Variants in SNTG1 observed in about 807,000 individuals in gnomAD.
SNTG1 encodes gamma-1-syntrophin.
A neutral mutation model predicts 74.7 loss-of-function variants in SNTG1; 39 were observed. That is an observed-to-expected ratio of 0.52 (90% CI 0.40 to 0.68). The LOEUF is 0.68. Among genes scored for constraint, SNTG1 ranks in the 30% least tolerant of loss-of-function variants. The pLI, the probability that SNTG1 is intolerant of heterozygous loss-of-function variation, is 0.00. For missense variants in SNTG1, 685 were observed against 609.5 expected (o/e 1.12, Z -1.30); for synonymous variants, 254 against 217.1 (o/e 1.17, Z -1.49).
intron 1 of SNTG1, among the ~76,000 whole-genome samples, chr8:49,919,546 A>G (rs1279340869): frequency 6.6e-6 from 1 of 152,082 alleles, no homozygotes; most frequent in African/African-American, 2.4e-5. Context: ...TTGTTTCTCT[A>G]AAAGCTTTTT....
At chr8:50,473,713 G>A (rs192300436) in intron 8 of SNTG1, among the ~76,000 whole-genome samples, 1 of 152,184 alleles carries the variant, frequency 6.6e-6, no homozygotes, top group East Asian at 1.9e-4. Flanking sequence ...ATATATACTT[G>A]CAATGGAATA....
In SNTG1 at chr8:50,780,346, G is replaced by T. The variant is rs908936219; in HGVS notation, c.1396-12325G>T. On this transcript the variant is annotated intron_variant, in intron 18 of 18. Transcript: ENST00000642720. The stretch of plus-strand genomic sequence containing the variant: ...TCCCTCTGGTCCTGGACTCTTTTTG[G>T]TTGGTAAGCTATTGATTATTGCCAC... Among the ~76,000 whole-genome samples the T allele has an allele frequency of 3.8e-4, 58 of 152,118 alleles. 1 individual carries two copies. Among genetic ancestry groups the T allele is most frequent in the African/African-American group, 1.3e-3 (55 of 41,418 alleles).
chr8:50,719,449 C>T (rs147540540), intron 17 of SNTG1, among the ~76,000 whole-genome samples: 3 of 152,304 alleles, frequency 2.0e-5, no homozygotes, highest in Non-Finnish European at 4.4e-5. Flanking sequence ...TGATCTTGGA[C>T]TTCCAGTCTC....
intron 8 of SNTG1, among the ~76,000 whole-genome samples, chr8:50,501,923 A>G (rs1317040280): frequency 2.6e-5 from 4 of 152,190 alleles, no homozygotes; most frequent in Non-Finnish European, 5.9e-5. Flanking sequence ...ATGATAGTTT[A>G]AAATTATAAA....
chr8:50,215,853 A>C (rs1008385128), intron 2 of SNTG1, among the ~76,000 whole-genome samples: 18 of 152,202 alleles, frequency 1.2e-4, no homozygotes, highest in African/African-American at 4.1e-4. Context: ...GATAACAAGG[A>C]TCAATGCAAA....
At chr8:50,323,917 C>G (rs937122158) in intron 2 of SNTG1, among the ~76,000 whole-genome samples, 3 of 152,164 alleles carry the variant, frequency 2.0e-5, no homozygotes, top group African/African-American at 7.2e-5. Flanking sequence ...GTGCTTAAAT[C>G]GAATACTGGG....
intron 17 of SNTG1, among the ~76,000 whole-genome samples, chr8:50,725,298 AT>A (rs1231556868): frequency 6.6e-6 from 1 of 152,148 alleles, no homozygotes; most frequent in Non-Finnish European, 1.5e-5. Flanking sequence ...ATTAAACAAC[AT>A]TTTGTGCAAT....
rs150787589 is a variant in SNTG1, at chr8:50,464,771, CA to C, written c.363+14048del. Among the ~76,000 whole-genome samples, 921 of 151,654 alleles carry C rather than the reference CA, an allele frequency of 6.1e-3. 6 individuals carry two copies. The highest frequency in any genetic ancestry group is 0.021 in the African/African-American group (884 of 41,426). On this transcript the variant is annotated intron_variant, in intron 8 of 18. Coordinates refer to ENST00000642720, the MANE Select transcript of SNTG1 (RefSeq NM_018967.5). ...AAACAAACAAACAAAAACCAAAAAACAAAAAACACTGATCACAGGTCACCAT... is the reference window on the plus strand; with the variant it reads ...AAACAAACAAACAAAAACCAAAAAACAAAAACACTGATCACAGGTCACCAT...
At chr8:50,746,884 T>C (rs971204051) in intron 17 of SNTG1, among the ~76,000 whole-genome samples, 13 of 148,008 alleles carry the variant, frequency 8.8e-5, no homozygotes, top group Admixed American at 2.7e-4. Flanking sequence ...ATATTATATA[T>C]ATACACATAT....
chr8:50,127,265 T>G (rs1385028448), intron 1 of SNTG1, among the ~76,000 whole-genome samples: 1 of 152,142 alleles, frequency 6.6e-6, no homozygotes, highest in Non-Finnish European at 1.5e-5. Context: ...CCATTTACTG[T>G]GACTTTTAGT....
At chr8:50,781,608 G>A (rs1272797116) in intron 18 of SNTG1, among the ~76,000 whole-genome samples, 1 of 152,170 alleles carries the variant, frequency 6.6e-6, no homozygotes, top group Non-Finnish European at 1.5e-5. Context: ...CTCTGCATGT[G>A]AGATGGGTTT....
chr8:50,751,338 G>C (rs1042550847), intron 17 of SNTG1, among the ~76,000 whole-genome samples: 1 of 151,982 alleles, frequency 6.6e-6, no homozygotes, highest in Non-Finnish European at 1.5e-5. Context: ...TATGATTTAT[G>C]ATACAGGATA....
intron 13 of SNTG1, among the ~76,000 whole-genome samples, chr8:50,653,458 G>C (rs1244595000): frequency 6.6e-6 from 1 of 152,066 alleles, no homozygotes; most frequent in Non-Finnish European, 1.5e-5. Context: ...AACTTTATAA[G>C]GTTGCGTTTA....
At chr8:50,164,084 C>T (rs944225188) in intron 1 of SNTG1, 6 of 137,416 alleles carry the variant, frequency 4.4e-5, no homozygotes, top group Middle Eastern at 3.3e-3. Flanking sequence ...GATAGAAAGA[C>T]ACAATTTCTT....
chr8:50,561,172 TG>T (rs942756918), intron 12 of SNTG1, among the ~76,000 whole-genome samples: 17 of 152,120 alleles, frequency 1.1e-4, no homozygotes, highest in African/African-American at 3.9e-4. Flanking sequence ...TGAAAGCTGA[TG>T]GTTTTAAAAG....
intron 2 of SNTG1, among the ~76,000 whole-genome samples, chr8:50,213,785 T>C (rs1245457297): frequency 6.6e-6 from 1 of 152,038 alleles, no homozygotes; most frequent in East Asian, 1.9e-4. Context: ...TGTCTGTTTT[T>C]TTCTTGTAAA....
At chr8:50,043,904 C>T (rs1305683667) in intron 1 of SNTG1, among the ~76,000 whole-genome samples, 1 of 152,090 alleles carries the variant, frequency 6.6e-6, no homozygotes, top group Non-Finnish European at 1.5e-5. Context: ...AGGGAGATGT[C>T]CTTAGTGAGG....
chr8:50,185,351 C>A (rs193048886), intron 2 of SNTG1, among the ~76,000 whole-genome samples: 3 of 152,176 alleles, frequency 2.0e-5, no homozygotes, highest in Non-Finnish European at 4.4e-5. Flanking sequence ...CTTCCGCAGC[C>A]ATATGGAACT....
Position 50,299,217 on chromosome 8 carries a change from G to A in SNTG1, c.-27-94995G>A, listed in dbSNP as rs535290367. Among the ~76,000 whole-genome samples the A allele has an allele frequency of 3.3e-5, 5 of 152,208 alleles. No individual in the cohort carries two copies. In the South Asian group the frequency reaches 8.3e-4, roughly 25 times the overall value. The stretch of plus-strand genomic sequence containing the variant: ...ACCAAAAGTTTTCCGAAGAGACAGG[G>A]TTTTGTTGGTCAACCAGGCTGGAAT... On this transcript the variant is annotated intron_variant, in intron 2 of 18. Transcript: ENST00000642720.
Sources: allele counts gnomAD v4.1 joint callset (sites outside exome capture counted in the v4.1 genomes callset), GRCh38; gene constraint gnomAD v4.1.1; transcripts MANE v1.5; gene names NCBI Gene and HGNC (gene_info 2026-07-23, HGNC 2026-07-21).